ATAD1: variants seen among roughly 807,000 people sequenced by gnomAD.
ATAD1 encodes ATPase family AAA domain containing 1, also known as outer mitochondrial transmembrane helix translocase.
In ATAD1, 18 loss-of-function variants were observed where a neutral mutation model predicts 42.7. The ratio of observed to expected loss-of-function variants is 0.42; its 90% CI spans 0.29 to 0.63. The LOEUF (loss-of-function observed/expected upper bound fraction) is 0.63, where lower values mean the gene tolerates loss of function less well. Ranked by LOEUF, ATAD1 falls within the 20% of genes least tolerant of loss-of-function variation. The pLI is 0.19. For synonymous variants in ATAD1, 132 were observed against 143.1 expected (o/e 0.92, Z 0.55); for missense variants, 294 against 440.4 (o/e 0.67, Z 2.98).
rs144419191 is a variant in ATAD1, at chr10:87,770,965, T to A, written c.767A>T (p.His256Leu). The A allele has an allele frequency of 8.6e-4, 1,389 of 1,613,240 alleles. 1 individual carries two copies. The highest frequency in any genetic ancestry group is 1.1e-3 in the Non-Finnish European group (1,286 of 1,179,538). Residue 256 changes from histidine (H) to leucine (L), a missense_variant, in exon 7 of 10, where the codon CAT (histidine) becomes CTT (leucine). By Grantham distance (99) the His-to-Leu change is moderately conservative. Around this residue, in one of 3 missense-constraint regions of ATAD1, gnomAD observed 142 missense variants for 174.6 expected, o/e 0.81. Coordinates refer to ENST00000680024, the MANE Select transcript of ATAD1 (RefSeq NM_001321967.2). ...AIMRRMPTRF[H>L]INQPALKQRE... Reference sequence around the variant, plus strand: ...AAGACCACCTACAGGCTGGTTGATATGAAATCTTGTAGGCATTCTTCTCAT... The same window carrying A: ...AAGACCACCTACAGGCTGGTTGATAAGAAATCTTGTAGGCATTCTTCTCAT...
intron 1 of ATAD1, among the ~76,000 whole-genome samples, chr10:87,837,035 A>G (rs1857943588): frequency 6.6e-6 from 1 of 151,694 alleles, no homozygotes; most frequent in Admixed American, 6.6e-5. Context: ...TTTTTTTATT[A>G]TTTTTTGCAT....
At chr10:87,781,269 A>G (rs1275536930) in intron 5 of ATAD1, among the ~76,000 whole-genome samples, 1 of 152,210 alleles carries the variant, frequency 6.6e-6, no homozygotes, top group Non-Finnish European at 1.5e-5. Flanking sequence ...TTAAAATTCT[A>G]AAGATATAAA....
chr10:87,780,492 T>A (rs1855515104), intron 5 of ATAD1, among the ~76,000 whole-genome samples: 1 of 152,164 alleles, frequency 6.6e-6, no homozygotes, highest in South Asian at 2.1e-4. Flanking sequence ...CTAGTATTAA[T>A]ACTAGGAGAA....
intron 1 of ATAD1, among the ~76,000 whole-genome samples, chr10:87,828,770 A>G (rs906800281): frequency 2.0e-5 from 3 of 152,246 alleles, no homozygotes; most frequent in African/African-American, 7.2e-5. Flanking sequence ...AGCTAATGCA[A>G]CTGATGACTT....
At chr10:87,757,043 G>C (rs1279118913) in intron 8 of ATAD1, 121 bp from the exon 9 acceptor site, 8 of 739,492 alleles carry the variant, frequency 1.1e-5, no homozygotes, top group Non-Finnish European at 1.6e-5. Flanking sequence ...AGAAACAATA[G>C]TTTCTAGAAG....
intron 1 of ATAD1, among the ~76,000 whole-genome samples, chr10:87,815,265 C>G (rs942367048): frequency 6.6e-6 from 1 of 151,984 alleles, no homozygotes; most frequent in African/African-American, 2.4e-5. Context: ...ATACAGCACT[C>G]ACCCAAGCTA....
In ATAD1 at chr10:87,754,583, G is replaced by A; in HGVS notation, c.*104C>T. 5.3e-6 allele frequency: 7 copies of A among 1,312,856 alleles called. No homozygotes were observed. Among genetic ancestry groups the A allele is most frequent in the East Asian group, 2.4e-5 (1 of 41,340 alleles). The allele number at this position is 1,312,856 out of a possible 1,614,324, so 81.3% of individuals were successfully genotyped here. A position where few individuals can be genotyped will look rare whatever the true frequency, so the allele number is the denominator to read the frequency against. ...TTCAGAGTATAAAACCATAAACACT[G>A]AGCTCCCTCATTGTTTAAAGAGCAC... On this transcript the variant is annotated 3_prime_UTR_variant, in exon 10 of 10. Coordinates refer to ENST00000680024, the MANE Select transcript of ATAD1 (RefSeq NM_001321967.2).
chr10:87,816,679 C>T (rs1438736553), intron 1 of ATAD1, among the ~76,000 whole-genome samples: 2 of 152,042 alleles, frequency 1.3e-5, no homozygotes, highest in Non-Finnish European at 1.5e-5. Context: ...CCAAAAAAAA[C>T]GGGTTACACA....
upstream of ATAD1, chr10:87,819,263 C>CAAAAAAAAAAAAAAAAAAAAAA (rs57941047): frequency 3.7e-5 from 2 of 53,716 alleles, no homozygotes; most frequent in African/African-American, 1.5e-4. Flanking sequence ...ATCGTCTCTA[C>CAAAAAAAAAAAAAAAAAAAAAA]AAAAAAAAAA....
intron 2 of ATAD1, among the ~76,000 whole-genome samples, chr10:87,794,296 A>G (rs1376439050): frequency 6.6e-6 from 1 of 152,182 alleles, no homozygotes; most frequent in Admixed American, 6.5e-5. Flanking sequence ...TGCCCCTGTA[A>G]AGTCACTGAA....
At chr10:87,824,238 G>T (rs1857684547) in intron 1 of ATAD1, among the ~76,000 whole-genome samples, 2 of 148,592 alleles carry the variant, frequency 1.3e-5, no homozygotes, top group Non-Finnish European at 1.5e-5. Context: ...AAAAGGGAAG[G>T]GGGGAGGAAA....
At chr10:87,800,097 AAAG>A (rs1856613066) in intron 2 of ATAD1, among the ~76,000 whole-genome samples, 1 of 151,876 alleles carries the variant, frequency 6.6e-6, no homozygotes, top group African/African-American at 2.4e-5. Flanking sequence ...TTAAAAAAAA[AAAG>A]AACAAAGAAA....
chr10:87,758,685 G>A (rs1854339877), intron 8 of ATAD1, among the ~76,000 whole-genome samples: 1 of 152,106 alleles, frequency 6.6e-6, no homozygotes, highest in Non-Finnish European at 1.5e-5. Context: ...GAAAGCTAAT[G>A]TAGTTCTAGT....
Position 87,792,732 on chromosome 10 carries a change from A to T in ATAD1, c.186T>A (p.Ile62=), listed in dbSNP as rs778802074. ...QKQAEKLMKQ[I]GVKNVKLSEY... ...CTGAGAGCTTCACATTTTTCACTCC[A>T]ATTTGCTTCATTAGTTTTTCTGCCT... Residue 62 remains isoleucine, a synonymous_variant, in exon 3 of 10, where the codon ATT becomes ATA. Coordinates refer to ENST00000680024, the MANE Select transcript of ATAD1 (RefSeq NM_001321967.2). 20 of 1,613,762 alleles carry T rather than the reference A, an allele frequency of 1.2e-5. No homozygotes were observed. Among genetic ancestry groups the T allele is most frequent in the Admixed American group, 3.3e-5 (2 of 59,964 alleles).
intron 4 of ATAD1, among the ~76,000 whole-genome samples, chr10:87,789,201 C>A (rs1409036420): frequency 6.6e-6 from 1 of 152,106 alleles, no homozygotes; most frequent in African/African-American, 2.4e-5. Context: ...TTTTAAAGAT[C>A]CACTTTTTTG....
At chr10:87,819,286 A>C (rs879080982), upstream of ATAD1, 4 of 150,656 alleles carry the variant, frequency 2.7e-5, no homozygotes, top group African/African-American at 4.9e-5. Flanking sequence ...AAAAAAAAAA[A>C]AAAAACCACC....
intron 6 of ATAD1, among the ~76,000 whole-genome samples, chr10:87,772,833 C>A (rs927535605): frequency 6.6e-6 from 1 of 152,066 alleles, no homozygotes; most frequent in Non-Finnish European, 1.5e-5. Context: ...AGCAGAGAAC[C>A]TTTTCATATA....
At chr10:87,785,157 CAG>C (rs1241525944) in intron 4 of ATAD1, among the ~76,000 whole-genome samples, 1 of 152,202 alleles carries the variant, frequency 6.6e-6, no homozygotes, top group African/African-American at 2.4e-5. Flanking sequence ...CTAAAAGAAA[CAG>C]AAATTATCAG....
chr10:87,801,424 C>T (rs913651506), intron 2 of ATAD1, among the ~76,000 whole-genome samples: 1 of 151,990 alleles, frequency 6.6e-6, no homozygotes, highest in Admixed American at 6.6e-5. Flanking sequence ...AAAAAAATTA[C>T]ACAGGAAACA....
Sources: allele counts gnomAD v4.1 joint callset (sites outside exome capture counted in the v4.1 genomes callset), GRCh38; gene constraint gnomAD v4.1.1; regional missense constraint gnomAD v4.1.1; transcripts MANE v1.5; gene names NCBI Gene and HGNC (gene_info 2026-07-23, HGNC 2026-07-21).